BTBD9: variants seen among roughly 807,000 people sequenced by gnomAD.
BTBD9 encodes the protein BTB domain containing 9, also known as BTB/POZ domain-containing protein 9.
In BTBD9, 49 loss-of-function variants were observed where a neutral mutation model predicts 64.3. The ratio of observed to expected loss-of-function variants is 0.76; its 90% CI spans 0.61 to 0.97. BTBD9 has a LOEUF of 0.97. Ranked by LOEUF, BTBD9 falls within the 50% of genes least tolerant of loss-of-function variation. The probability of loss-of-function intolerance (pLI) is 0.00; values close to 1 mark genes in which losing one functional copy is unlikely to be tolerated. For synonymous variants in BTBD9, 260 were observed against 274.7 expected (o/e 0.95, Z 0.53); for missense variants, 598 against 762.1 (o/e 0.78, Z 2.53).
At chr6:38,501,901 T>C (rs1232195369) in intron 6 of BTBD9, among the ~76,000 whole-genome samples, 2 of 152,210 alleles carry the variant, frequency 1.3e-5, no homozygotes, top group Non-Finnish European at 2.9e-5. Flanking sequence ...GGGTTTACTG[T>C]TGTATTTTTA....
At chr6:38,205,389 G>T (rs928498905) in intron 9 of BTBD9, among the ~76,000 whole-genome samples, 1 of 152,132 alleles carries the variant, frequency 6.6e-6, no homozygotes, top group Non-Finnish European at 1.5e-5. Flanking sequence ...AACACTGGGG[G>T]TGAGAAGATA....
intron 6 of BTBD9, among the ~76,000 whole-genome samples, chr6:38,560,641 G>T (rs994977777): frequency 4.6e-5 from 7 of 151,904 alleles, no homozygotes; most frequent in Non-Finnish European, 4.4e-5. Flanking sequence ...AGGCAAATCC[G>T]TGTTACAGGG....
At chr6:38,614,262 C>T (rs1777716681) in intron 1 of BTBD9, among the ~76,000 whole-genome samples, 1 of 152,170 alleles carries the variant, frequency 6.6e-6, no homozygotes, top group South Asian at 2.1e-4. Flanking sequence ...TCTGTTCCCC[C>T]ATCACCGCCC....
At position 38,610,919 on chromosome 6, in the gene BTBD9, G is replaced by C. The variant is rs771288692; in HGVS notation, c.-27-12798C>G. On this transcript the variant is annotated intron_variant, in intron 1 of 10. Coordinates refer to ENST00000481247, the MANE Select transcript of BTBD9 (RefSeq NM_001099272.2). ...CTTGTAACTGCAAAAAACCGGGGTG[G>C]GGGGGGGACTAAACGTCCATCAATA... Among the ~76,000 whole-genome samples, 9 of 150,468 alleles carry C rather than the reference G, an allele frequency of 6.0e-5. No homozygotes were observed. In the East Asian group the frequency reaches 7.9e-4, roughly 13 times the overall value.
intron 6 of BTBD9, among the ~76,000 whole-genome samples, chr6:38,375,665 AAAG>A (rs1765650884): frequency 1.3e-5 from 2 of 152,208 alleles, no homozygotes; most frequent in Admixed American, 1.3e-4. Context: ...AGATTTCTTC[AAAG>A]AAGACAAGGT....
chr6:38,573,774 T>C (rs990305583), intron 6 of BTBD9, among the ~76,000 whole-genome samples: 5 of 152,130 alleles, frequency 3.3e-5, no homozygotes, highest in Admixed American at 3.3e-4. Flanking sequence ...AACAGCACCA[T>C]GTTGAGGAAT....
chr6:38,471,135 T>C (rs1770631472), intron 6 of BTBD9, among the ~76,000 whole-genome samples: 1 of 151,628 alleles, frequency 6.6e-6, no homozygotes, highest in Non-Finnish European at 1.5e-5. Flanking sequence ...TCTGCAAATG[T>C]ACTTTAAATA....
chr6:38,498,940 C>T (rs1046230333), intron 6 of BTBD9, among the ~76,000 whole-genome samples: 5 of 152,182 alleles, frequency 3.3e-5, no homozygotes, highest in Non-Finnish European at 5.9e-5. Flanking sequence ...TTTTTATCCA[C>T]ATCAATTATG....
intron 6 of BTBD9, among the ~76,000 whole-genome samples, chr6:38,436,521 G>A (rs566520896): frequency 5.3e-5 from 8 of 151,650 alleles, no homozygotes; most frequent in East Asian, 1.9e-4. Context: ...GATTATAGGC[G>A]TGCGAAACCA....
intron 8 of BTBD9, among the ~76,000 whole-genome samples, chr6:38,258,008 T>C (rs1024163019): frequency 2.6e-5 from 4 of 151,976 alleles, no homozygotes; most frequent in African/African-American, 9.7e-5. Flanking sequence ...TATTTTGAGA[T>C]GGAGTCTCAC....
intron 1 of BTBD9, among the ~76,000 whole-genome samples, chr6:38,627,503 C>T (rs1009194614): frequency 6.6e-6 from 1 of 151,978 alleles, no homozygotes; most frequent in African/African-American, 2.4e-5. Flanking sequence ...TTTCAATCTC[C>T]CCCAGTAGAA....
At chr6:38,587,612 G>C (rs1776594136) in intron 4 of BTBD9, 3 of 585,398 alleles carry the variant, frequency 5.1e-6, no homozygotes, top group Non-Finnish European at 9.7e-6. Flanking sequence ...GGCCAACGAA[G>C]ACCCCTTGAA....
chr6:38,343,046 C>A (rs1021174084), intron 7 of BTBD9, among the ~76,000 whole-genome samples: 15 of 152,170 alleles, frequency 9.9e-5, no homozygotes. Context: ...CCTACCTGCA[C>A]CACTGCTCCC....
Position 38,168,856 on chromosome 6 carries a change from CCCTGGCCT to C in BTBD9, c.*6121_*6128del, listed in dbSNP as rs1766629167. ...GAGCTCCAGGCCTAGCCCTGAGGAC[CCCTGGCCT>C]CCTGGCGCCCCTCCAGAGTCTCACG... On this transcript the variant is annotated 3_prime_UTR_variant, in exon 11 of 11. Transcript: ENST00000481247. The C allele has an allele frequency of 6.6e-6, 1 of 152,346 alleles. No homozygotes were observed. Among genetic ancestry groups the C allele is most frequent in the Non-Finnish European group, 1.5e-5 (1 of 68,096 alleles). 9.4% of individuals were successfully genotyped at this position (152,346 alleles called of 1,614,324 possible). A position where few individuals can be genotyped will look rare whatever the true frequency, so the allele number is the denominator to read the frequency against.
chr6:38,570,621 A>G (rs7752239), intron 6 of BTBD9, among the ~76,000 whole-genome samples: 30,034 of 152,022 alleles, frequency 0.2, 3,385 homozygotes, highest in Non-Finnish European at 0.27. Flanking sequence ...TCTATCTCCT[A>G]TCTCCTTTGA....
chr6:38,257,971 T>TA (rs983213530), intron 8 of BTBD9, among the ~76,000 whole-genome samples: 18 of 147,994 alleles, frequency 1.2e-4, no homozygotes, highest in South Asian at 2.1e-4. Context: ...ATTCCTCCAT[T>TA]AAAAAAAAAA....
At chr6:38,370,544 A>C (rs1378414821) in intron 6 of BTBD9, among the ~76,000 whole-genome samples, 1 of 152,222 alleles carries the variant, frequency 6.6e-6, no homozygotes, top group Non-Finnish European at 1.5e-5. Context: ...TTACTCCAGA[A>C]CTTATTGGTA....
intron 1 of BTBD9, among the ~76,000 whole-genome samples, chr6:38,639,286 C>G (rs542838512): frequency 4.6e-5 from 7 of 152,276 alleles, no homozygotes; most frequent in African/African-American, 1.7e-4. Context: ...GACAGGTCGC[C>G]CTCCCAAGGT....
Position 38,489,374 on chromosome 6 carries a change from G to C in BTBD9, c.1154+88226C>G, listed in dbSNP as rs369881279. On this transcript the variant is annotated intron_variant, in intron 6 of 10. Transcript: ENST00000481247. ...CCCAGCTACTAGGGAAGCTCAGGTG[G>C]GAGGATCACTTGAGCCCAGGAGTTC... Among the ~76,000 whole-genome samples the C allele has an allele frequency of 5.5e-4, 84 of 152,258 alleles. No individual in the cohort carries two copies. In the South Asian group the frequency reaches 6.6e-3, roughly 12 times the overall value.
Sources: gnomAD v4.1 joint callset for allele counts (sites outside exome capture counted in the v4.1 genomes callset) on GRCh38, gnomAD v4.1.1 for gene constraint, MANE v1.5 for transcripts, NCBI Gene and HGNC (gene_info 2026-07-23, HGNC 2026-07-21) for gene names.